The following SYNE1 variants were observed in gnomAD, a reference collection of about 807,000 sequenced individuals.
SYNE1 encodes the protein nesprin-1.
SYNE1 carries 616 observed loss-of-function variants against 1,111.0 expected under a neutral mutation model. That is an observed-to-expected ratio of 0.55 (90% CI 0.52 to 0.59). The LOEUF (loss-of-function observed/expected upper bound fraction) is 0.59. Ranked by LOEUF, SYNE1 falls within the 20% of genes least tolerant of loss-of-function variation. The pLI is 0.00. For synonymous variants in SYNE1, 3,855 were observed against 3,825.8 expected, an observed-to-expected ratio of 1.01 and a Z score of -0.28; for missense variants, 10,006 against 10,417.0, an observed-to-expected ratio of 0.96 and a Z score of 1.72.
chr6:152,453,581 C>T lies in SYNE1; in HGVS notation c.3027+5G>A. ...GCACGGTGTCTCCGTCCTGTCCTGACTCACCTTCCATTGTTTGTGGAGCTT... is the reference window on the plus strand; with the variant it reads ...GCACGGTGTCTCCGTCCTGTCCTGATTCACCTTCCATTGTTTGTGGAGCTT... On this transcript the variant is annotated splice_donor_5th_base_variant and intron_variant, in intron 25 of 145. Coordinates refer to ENST00000367255, the MANE Select transcript of SYNE1 (RefSeq NM_182961.4). 1 of 1,614,252 alleles carries T rather than the reference C, an allele frequency of 6.2e-7. No homozygotes were observed. Among genetic ancestry groups the T allele is most frequent in the Non-Finnish European group, 8.5e-7 (1 of 1,180,038 alleles).
At chr6:152,301,035 C>T (rs771398897) in intron 92 of SYNE1, among the ~76,000 whole-genome samples, 1 of 152,168 alleles carries the variant, frequency 6.6e-6, no homozygotes, top group Non-Finnish European at 1.5e-5. Flanking sequence ...TGATTAAATA[C>T]TTCATTATTT....
chr6:152,241,936 ATTT>A (rs1005337187), intron 107 of SYNE1, among the ~76,000 whole-genome samples: 2 of 152,280 alleles, frequency 1.3e-5, no homozygotes, highest in East Asian at 3.9e-4. Context: ...TTTTCCTTTG[ATTT>A]TAGCTCATCT....
chr6:152,463,657 G>T (rs2098747270), intron 18 of SYNE1, 140 bp from the exon 19 acceptor site: 4 of 792,362 alleles, frequency 5.0e-6, no homozygotes, highest in Admixed American at 4.5e-5. Context: ...TCTTTAAAAT[G>T]CACATTTTTG....
Position 152,331,707 on chromosome 6 carries a change from A to G in SYNE1, c.12978T>C (p.Phe4326=). 6.2e-7 allele frequency: 1 copy of G among 1,614,216 alleles called. No homozygotes were observed. Among genetic ancestry groups the G allele is most frequent in the Non-Finnish European group, 8.5e-7 (1 of 1,180,020 alleles). The change falls in exon 78 of 146, where the codon TTT becomes TTC. Residue 4326 remains phenylalanine (F), a synonymous_variant. Transcript: ENST00000367255. ...TCCTTTTAATGAGGTCCTCAAGCTG[A>G]AACCAACGTTGCTCTAAATGACTCG... is the stretch of plus-strand genomic sequence containing the variant. ...EQTSHLEQRW[F]QLEDLIKRKI... is the part of the protein sequence containing the mutation.
chr6:152,549,659 A>T (rs895197641), intron 3 of SYNE1, among the ~76,000 whole-genome samples: 1 of 152,240 alleles, frequency 6.6e-6, no homozygotes, highest in Non-Finnish European at 1.5e-5. Context: ...ACAGACGAGA[A>T]GAGAGAAAAT....
chr6:152,145,462 G>T (rs367858712), intron 137 of SYNE1: 2 of 1,610,134 alleles, frequency 1.2e-6, no homozygotes, highest in Non-Finnish European at 1.7e-6. Flanking sequence ...AGGGAGGGAG[G>T]CTGGCTCCGG....
chr6:152,624,979 A>G (rs1325721957), intron 3 of SYNE1, among the ~76,000 whole-genome samples: 1 of 152,226 alleles, frequency 6.6e-6, no homozygotes, highest in African/African-American at 2.4e-5. Flanking sequence ...TGAAATGACA[A>G]TGAAACCCAA....
Position 152,430,540 on chromosome 6 carries a change from T to C in SYNE1, c.4631A>G (p.Glu1544Gly), listed in dbSNP as rs1262018091. 6.2e-7 allele frequency: 1 copy of C among 1,614,058 alleles called. No homozygotes were observed. The highest frequency in any genetic ancestry group is 8.5e-7 in the Non-Finnish European group (1 of 1,180,012). The change falls in exon 35 of 146, where the codon GAA becomes GGA. Residue 1544 changes from glutamate to glycine, a missense_variant. By Grantham distance (98) the Glu-to-Gly change is moderately conservative. This residue lies in a region of SYNE1 where 1,971 missense variants were observed against 2,084.1 expected (regional missense o/e 0.95). Coordinates refer to ENST00000367255, the MANE Select transcript of SYNE1 (RefSeq NM_182961.4). ...AGATAAATGTCCCAGGATTGTTCCT[T>C]CCAGACACTGTGCATGCTCTCGAAG... ...EELREHAQCLEGTILGHLSQQ... is the reference protein window; with the variant it reads ...EELREHAQCLGGTILGHLSQQ...
chr6:152,581,258 G>A (rs992104703), intron 3 of SYNE1, among the ~76,000 whole-genome samples: 6 of 152,148 alleles, frequency 3.9e-5, no homozygotes, highest in African/African-American at 1.4e-4. Context: ...AAGAGGGGAT[G>A]CCCTAGTGGG....
intron 39 of SYNE1, among the ~76,000 whole-genome samples, chr6:152,424,815 A>G (rs2098327067): frequency 6.6e-6 from 1 of 152,236 alleles, no homozygotes; most frequent in African/African-American, 2.4e-5. Context: ...AAATGGTCAG[A>G]AAGGTTAAAT....
At position 152,369,606 on chromosome 6, in the gene SYNE1, C is replaced by A. The variant is rs770543582; in HGVS notation, c.9516G>T (p.Lys3172Asn). The A allele has an allele frequency of 5.6e-6, 9 of 1,614,124 alleles. No individual in the cohort carries two copies. Among genetic ancestry groups the A allele is most frequent in the Non-Finnish European group, 7.6e-6 (9 of 1,180,022 alleles). The change falls in exon 60 of 146, where the codon AAG becomes AAT. Residue 3172 changes from lysine to asparagine, a missense_variant. Physicochemically the swap from Lys to Asn is moderately conservative, Grantham distance 94 (BLOSUM62 0). Coordinates refer to ENST00000367255, the MANE Select transcript of SYNE1 (RefSeq NM_182961.4). ...HQKESALENL[K>N]IQMKDFEVSA... ...TTACTTCAAAGTCCTTCATTTGGAT[C>A]TTTAGATTCTGCAAGGTTTTAGATA...
At chr6:152,156,807 A>G (rs2061465936) in intron 131 of SYNE1, among the ~76,000 whole-genome samples, 1 of 151,962 alleles carries the variant, frequency 6.6e-6, no homozygotes, top group Non-Finnish European at 1.5e-5. Flanking sequence ...GCACTCAAGA[A>G]CTGGGCTTTA....
chr6:152,409,754 G>A, intron 42 of SYNE1, 45 bp from the exon 43 acceptor site: 1 of 1,605,128 alleles, frequency 6.2e-7, no homozygotes, highest in Middle Eastern at 1.9e-4. Flanking sequence ...CATGTATCAG[G>A]AAAAGGGAGA....
intron 28 of SYNE1, among the ~76,000 whole-genome samples, chr6:152,448,579 C>T (rs2098615582): frequency 2.0e-5 from 3 of 152,168 alleles, no homozygotes; most frequent in Non-Finnish European, 4.4e-5. Context: ...CAATAGCTCA[C>T]ACCTGTAATC....
rs751975719 is a variant in SYNE1, at chr6:152,442,192, C to T, written c.3891G>A (p.Ala1297=). Residue 1297 remains alanine, a synonymous_variant, in exon 31 of 146, where the codon GCG becomes GCA. Coordinates refer to ENST00000367255, the MANE Select transcript of SYNE1 (RefSeq NM_182961.4). The stretch of plus-strand genomic sequence containing the variant: ...GCCCCCCTTCTCCCTGCTGCGCCTG[C>T]GCGATCTGCTGCTGCACATCTCTCT... The part of the protein sequence containing the change: ...AKKRDVQQQI[A]QAQQGEGGLP... The T allele has an allele frequency of 1.2e-6, 2 of 1,613,674 alleles. No homozygotes were observed. Among genetic ancestry groups the T allele is most frequent in the East Asian group, 4.5e-5 (2 of 44,886 alleles).
intron 130 of SYNE1, among the ~76,000 whole-genome samples, chr6:152,169,804 A>T (rs528395203): frequency 2.1e-4 from 32 of 151,824 alleles, no homozygotes; most frequent in African/African-American, 5.3e-4. Context: ...ATCTCAAAAA[A>T]AAAAATAAAA....
chr6:152,323,391 A>G, intron 82 of SYNE1, 87 bp downstream of exon 82: 1 of 1,577,922 alleles, frequency 6.3e-7, no homozygotes, highest in Non-Finnish European at 8.6e-7. Context: ...GTGAGCCGAG[A>G]TCACACATTT....
intron 95 of SYNE1, among the ~76,000 whole-genome samples, chr6:152,291,347 C>T (rs1280179810): frequency 6.6e-6 from 1 of 151,264 alleles, no homozygotes; most frequent in Non-Finnish European, 1.5e-5. Context: ...GTAATCTTCA[C>T]TAAATTAGCT....
At chr6:152,603,043 C>T (rs2099599972) in intron 3 of SYNE1, among the ~76,000 whole-genome samples, 2 of 152,114 alleles carry the variant, frequency 1.3e-5, no homozygotes, top group South Asian at 4.1e-4. Context: ...AGGGGTCAAC[C>T]AGGGCAGAGG....
Sources: allele counts gnomAD v4.1 joint callset (sites outside exome capture counted in the v4.1 genomes callset), GRCh38; gene constraint gnomAD v4.1.1; regional missense constraint gnomAD v4.1.1; transcripts MANE v1.5; gene names NCBI Gene and HGNC (gene_info 2026-07-23, HGNC 2026-07-21).